FAT1: variants seen among roughly 807,000 people sequenced by gnomAD.
FAT1 encodes the protein FAT atypical cadherin 1.
In FAT1, 171 loss-of-function variants were observed where a neutral mutation model predicts 329.8. The observed-to-expected ratio is 0.52, with a 90% confidence interval of 0.46 to 0.59. The LOEUF (loss-of-function observed/expected upper bound fraction) is 0.59. FAT1 is among the 20% of genes least tolerant of loss of function. FAT1 has a pLI of 0.00. For missense variants in FAT1, 5,672 were observed against 5,774.4 expected (o/e 0.98, Z 0.57); for synonymous variants, 2,233 against 2,228.6 (o/e 1.00, Z -0.06).
At chr4:186,654,160 C>T (rs1405015180) in intron 3 of FAT1, among the ~76,000 whole-genome samples, 1 of 152,174 alleles carries the variant, frequency 6.6e-6, no homozygotes, top group Non-Finnish European at 1.5e-5. Flanking sequence ...TAGCTCTGAC[C>T]TCTGTGAAGT....
intron 1 of FAT1, among the ~76,000 whole-genome samples, chr4:186,712,290 G>GT (rs1326171815): frequency 4.6e-5 from 7 of 152,200 alleles, no homozygotes; most frequent in African/African-American, 9.7e-5. Context: ...GTTAACAGTG[G>GT]TAACTTCTGG....
rs1210034401 is a variant in FAT1, at chr4:186,619,671, A to G, written c.6915T>C (p.Val2305=). 6 of 1,613,990 alleles carry G rather than the reference A, an allele frequency of 3.7e-6. No individual in the cohort carries two copies. In the Middle Eastern group the frequency reaches 9.9e-4, roughly 266 times the overall value. The change falls in exon 10 of 27, where the codon GTT becomes GTC. Residue 2305 remains valine, a synonymous_variant. Transcript: ENST00000441802. The part of the protein sequence containing the change: ...ASVIGTSVVQ[V]RATDSDSEPN... ...GTTCTGAATCAGAATCGGTGGCTCT[A>G]ACTTGAACAACAGACGTTCCAATTA...
At chr4:186,658,621 G>A (rs1416579190) in intron 3 of FAT1, among the ~76,000 whole-genome samples, 1 of 152,134 alleles carries the variant, frequency 6.6e-6, no homozygotes, top group African/African-American at 2.4e-5. Flanking sequence ...TGGCATTCGA[G>A]GTTTTCCACT....
At chr4:186,604,760 G>T (rs569644652) in intron 17 of FAT1, among the ~76,000 whole-genome samples, 186 bp from the exon 18 acceptor site, 14 of 147,918 alleles carry the variant, frequency 9.5e-5, no homozygotes, top group Non-Finnish European at 2.1e-4. Flanking sequence ...AAGGAGAAGG[G>T]GTGTAGCGAA....
intron 17 of FAT1, 69 bp downstream of exon 17, chr4:186,606,001 A>G (rs1739116613): frequency 7.0e-7 from 1 of 1,431,738 alleles, no homozygotes; most frequent in African/African-American, 1.4e-5. Flanking sequence ...TAAGAAAGAA[A>G]AGCAACAGAG....
At chr4:186,665,778 A>C (rs1411082612) in intron 2 of FAT1, among the ~76,000 whole-genome samples, 1 of 152,054 alleles carries the variant, frequency 6.6e-6, no homozygotes, top group Non-Finnish European at 1.5e-5. Flanking sequence ...AAAGACTTGG[A>C]ACCAACCCAA....
chr4:186,704,273 A>C (rs750469728), intron 2 of FAT1, among the ~76,000 whole-genome samples: 5 of 152,144 alleles, frequency 3.3e-5, no homozygotes, highest in Non-Finnish European at 7.3e-5. Context: ...ACTACTGGAA[A>C]AGTCTGGCAC....
intron 3 of FAT1, among the ~76,000 whole-genome samples, chr4:186,660,180 C>T (rs1359383718): frequency 6.6e-6 from 1 of 152,090 alleles, no homozygotes; most frequent in African/African-American, 2.4e-5. Flanking sequence ...GCACTATTTC[C>T]TACCGGACGG....
chr4:186,710,143 A>G (rs748156924), intron 1 of FAT1, among the ~76,000 whole-genome samples: 3 of 152,252 alleles, frequency 2.0e-5, no homozygotes, highest in Non-Finnish European at 2.9e-5. Flanking sequence ...TACTAACTGT[A>G]ACAACTAAGT....
chr4:186,695,331 A>G (rs962727132), intron 2 of FAT1, among the ~76,000 whole-genome samples: 2 of 152,198 alleles, frequency 1.3e-5, no homozygotes, highest in African/African-American at 4.8e-5. Flanking sequence ...CAGCCTCAGA[A>G]TCTAGATACT....
chr4:186,601,336 C>T lies in FAT1; in HGVS notation c.11573G>A (p.Arg3858Lys), dbSNP rs771785359. The T allele has an allele frequency of 6.2e-7, 1 of 1,613,066 alleles. No individual in the cohort carries two copies. The highest frequency in any genetic ancestry group is 1.7e-5 in the Admixed American group (1 of 60,020). ...CGCATGCGTGGAATATGTTCTGAGC[C>T]TCATGGTCAGTTTCATCTCTAATTT... ...ENKLEMKLTM[R>K]LRTYSTHAVV... Residue 3858 changes from arginine to lysine, a missense_variant, in exon 21 of 27, where the codon AGG becomes AAG. Arg to Lys is a conservative substitution (Grantham distance 26, BLOSUM62 2). Coordinates refer to ENST00000441802, the MANE Select transcript of FAT1 (RefSeq NM_005245.4).
chr4:186,599,577 G>A (rs1383518586), intron 22 of FAT1, among the ~76,000 whole-genome samples: 3 of 152,200 alleles, frequency 2.0e-5, no homozygotes, highest in East Asian at 1.9e-4. Flanking sequence ...TAAGCGGTAC[G>A]AATTCTAAAT....
intron 4 of FAT1, among the ~76,000 whole-genome samples, chr4:186,637,356 T>C (rs1459468196): frequency 6.6e-6 from 1 of 152,232 alleles, no homozygotes; most frequent in Non-Finnish European, 1.5e-5. Context: ...CCATATATCA[T>C]GTTAAAAATG....
chr4:186,629,644 G>A (rs1388571049), intron 7 of FAT1, among the ~76,000 whole-genome samples: 1 of 152,226 alleles, frequency 6.6e-6, no homozygotes, highest in East Asian at 1.9e-4. Context: ...AGCACAGGGG[G>A]CCAGGGTCCC....
intron 2 of FAT1, among the ~76,000 whole-genome samples, chr4:186,704,946 T>TC (rs1744500451): frequency 6.8e-6 from 1 of 146,374 alleles, no homozygotes; most frequent in Non-Finnish European, 1.5e-5. Context: ...AAAATAACTT[T>TC]TTTTTTTTTT....
At chr4:186,655,802 G>C (rs1447606030) in intron 3 of FAT1, among the ~76,000 whole-genome samples, 4 of 152,184 alleles carry the variant, frequency 2.6e-5, no homozygotes, top group African/African-American at 9.7e-5. Context: ...CATGTATACA[G>C]TATGCTATCT....
rs755290331 is a variant in FAT1, at chr4:186,619,936, C to T, written c.6650G>A (p.Ser2217Asn). The change falls in exon 10 of 27, where the codon AGC (serine) becomes AAC (asparagine). Residue 2217 changes from serine (S) to asparagine (N), a missense_variant. Around this residue, in one of 2 missense-constraint regions of FAT1, gnomAD observed 3,966 missense variants for 3,915.2 expected, o/e 1.01. Transcript: ENST00000441802. ...NSPEGLKVFYSITDGDPFSQF... is the reference protein window; with the variant it reads ...NSPEGLKVFYNITDGDPFSQF... ...GCTGAAAGGGTCTCCGTCTGTGATG[C>T]TGTAGAACACTTTCAGGCCTTCCGG... is the stretch of plus-strand genomic sequence containing the variant. The T allele has an allele frequency of 6.2e-7, 1 of 1,613,998 alleles. No homozygotes were observed.
chr4:186,606,244 A>T (rs1190334422), intron 16 of FAT1, 31 bp from the exon 17 acceptor site: 1 of 1,611,372 alleles, frequency 6.2e-7, no homozygotes, highest in Middle Eastern at 1.7e-4. Context: ...ATGCACGTTC[A>T]TTTTCACAAG....
intron 9 of FAT1, among the ~76,000 whole-genome samples, chr4:186,622,961 G>A (rs1740119833): frequency 6.6e-6 from 1 of 152,246 alleles, no homozygotes; most frequent in Non-Finnish European, 1.5e-5. Context: ...GAACTGCTCA[G>A]TGTGAGCTGC....
Sources: allele counts gnomAD v4.1 joint callset (sites outside exome capture counted in the v4.1 genomes callset), GRCh38; gene constraint gnomAD v4.1.1; regional missense constraint gnomAD v4.1.1; transcripts MANE v1.5; gene names NCBI Gene and HGNC (gene_info 2026-07-23, HGNC 2026-07-21).